Variants in ITPR2 observed in about 807,000 individuals in gnomAD.
ITPR2 encodes the protein inositol 1,4,5-trisphosphate receptor type 2, also known as inositol 1,4,5-trisphosphate-gated calcium channel ITPR2.
A neutral mutation model predicts 317.1 loss-of-function variants in ITPR2; 207 were observed. That is an observed-to-expected ratio of 0.65 (90% CI 0.58 to 0.73). The LOEUF is 0.73. Ranked by LOEUF, ITPR2 falls within the 30% of genes least tolerant of loss-of-function variation. The pLI is 0.00. For synonymous variants in ITPR2, 1,156 were observed against 1,149.1 expected (o/e 1.01, Z -0.12); for missense variants, 2,613 against 3,284.0 (o/e 0.80, Z 4.99).
chr12:26,553,784 CA>C (rs1053616467), intron 36 of ITPR2, among the ~76,000 whole-genome samples: 1 of 141,864 alleles, frequency 7.0e-6, no homozygotes, highest in South Asian at 2.3e-4. Flanking sequence ...GACTCCGTCT[CA>C]AAAAAAAAGA....
intron 55 of ITPR2, among the ~76,000 whole-genome samples, chr12:26,361,501 C>G (rs1591962869): frequency 6.6e-6 from 1 of 152,162 alleles, no homozygotes; most frequent in East Asian, 1.9e-4. Context: ...TACAATTATA[C>G]AATCCAGCTT....
chr12:26,568,776 A>G (rs761879083), intron 34 of ITPR2, among the ~76,000 whole-genome samples: 2 of 152,208 alleles, frequency 1.3e-5, no homozygotes, highest in African/African-American at 2.4e-5. Flanking sequence ...GTGGAATGGC[A>G]GGGACAGAGA....
chr12:26,732,763 A>C (rs1949047690), intron 2 of ITPR2, among the ~76,000 whole-genome samples: 1 of 152,154 alleles, frequency 6.6e-6, no homozygotes, highest in African/African-American at 2.4e-5. Context: ...TCTCTGTTTA[A>C]ATGCTGTTCG....
intron 34 of ITPR2, among the ~76,000 whole-genome samples, chr12:26,562,806 T>C (rs1444313240): frequency 1.3e-5 from 2 of 151,764 alleles, no homozygotes; most frequent in Non-Finnish European, 2.9e-5. Flanking sequence ...TTAGGAGATA[T>C]ACCTAATGTA....
intron 39 of ITPR2, among the ~76,000 whole-genome samples, chr12:26,493,194 G>A (rs748335253): frequency 2.6e-5 from 4 of 151,988 alleles, no homozygotes; most frequent in Non-Finnish European, 5.9e-5. Flanking sequence ...CGTTGTTTTT[G>A]TCACCATGCC....
chr12:26,760,652 A>G (rs1949615175), intron 2 of ITPR2, among the ~76,000 whole-genome samples: 1 of 152,206 alleles, frequency 6.6e-6, no homozygotes, highest in Non-Finnish European at 1.5e-5. Context: ...ATGGTTATAT[A>G]TCATCCTTTG....
intron 37 of ITPR2, among the ~76,000 whole-genome samples, chr12:26,516,337 G>A (rs1943516484): frequency 6.6e-6 from 1 of 150,636 alleles, no homozygotes; most frequent in Non-Finnish European, 1.5e-5. Context: ...GAAAGGAAAG[G>A]AAAGGAAAGG....
At chr12:26,415,788 A>G (rs1405996404) in intron 50 of ITPR2, among the ~76,000 whole-genome samples, 2 of 152,228 alleles carry the variant, frequency 1.3e-5, no homozygotes, top group Non-Finnish European at 2.9e-5. Context: ...GCTTAGTTTT[A>G]CATTTGAATT....
At chr12:26,421,471 C>T (rs1328662207) in intron 49 of ITPR2, 6 of 151,600 alleles carry the variant, frequency 4.0e-5, no homozygotes, top group African/African-American at 4.9e-5. Context: ...ATAAATGATT[C>T]GGGTGGGAAA....
chr12:26,363,701 T>C (rs569873540), intron 55 of ITPR2, among the ~76,000 whole-genome samples: 19 of 152,140 alleles, frequency 1.2e-4, no homozygotes, highest in African/African-American at 4.6e-4. Context: ...CAAACCACCA[T>C]GGCACACAGG....
intron 23 of ITPR2, 67 bp from the exon 24 acceptor site, chr12:26,624,423 A>G: frequency 9.3e-7 from 1 of 1,069,640 alleles, no homozygotes; most frequent in Non-Finnish European, 1.4e-6. Context: ...TAGTCATATT[A>G]ATATCAATTG....
intron 10 of ITPR2, among the ~76,000 whole-genome samples, chr12:26,691,892 G>A (rs897671772): frequency 6.6e-6 from 1 of 151,984 alleles, no homozygotes; most frequent in African/African-American, 2.4e-5. Flanking sequence ...TCTCACTACT[G>A]ACTTTATGTA....
rs191039993 is a variant in ITPR2, at chr12:26,503,254, T to C, written c.5074-7994A>G. On this transcript the variant is annotated intron_variant, in intron 37 of 56. Coordinates refer to ENST00000381340, the MANE Select transcript of ITPR2 (RefSeq NM_002223.4). ...TGAGAGACAAAGACCTCATTATTTT[T>C]CCCCAAAATACTAGAAATAGATTAT... Among the ~76,000 whole-genome samples, 254 of 145,980 alleles carry C rather than the reference T, an allele frequency of 1.7e-3. 2 individuals carry two copies. In the East Asian group the frequency reaches 0.039, roughly 23 times the overall value.
intron 26 of ITPR2, among the ~76,000 whole-genome samples, chr12:26,616,263 G>A (rs912451826): frequency 1.3e-5 from 2 of 151,654 alleles, no homozygotes; most frequent in Non-Finnish European, 2.9e-5. Flanking sequence ...TCAGCCTCCC[G>A]AGTAGCTGGG....
At chr12:26,572,538 C>T (rs1487300035) in intron 34 of ITPR2, among the ~76,000 whole-genome samples, 1 of 152,150 alleles carries the variant, frequency 6.6e-6, no homozygotes, top group Non-Finnish European at 1.5e-5. Flanking sequence ...AGAATGGAAT[C>T]GTTAAGTAGA....
intron 55 of ITPR2, 146 bp downstream of exon 55, chr12:26,387,288 T>C (rs533960988): frequency 1.2e-5 from 9 of 757,812 alleles, no homozygotes; most frequent in South Asian, 9.3e-5. Context: ...TCAGTGTAGA[T>C]GTTCTTCAGT....
At chr12:26,665,813 C>A (rs1947613071) in intron 14 of ITPR2, 97 bp downstream of exon 14, 5 of 1,074,772 alleles carry the variant, frequency 4.7e-6, no homozygotes, top group Non-Finnish European at 6.8e-6. Context: ...GTTTTGGGAT[C>A]ATTTGCTTCA....
intron 10 of ITPR2, among the ~76,000 whole-genome samples, chr12:26,690,347 A>G (rs1044250271): frequency 1.0e-5 from 1 of 98,900 alleles, no homozygotes; most frequent in African/African-American, 4.1e-5. Flanking sequence ...CTAGTGTAGA[A>G]GCAATAAATG....
intron 21 of ITPR2, among the ~76,000 whole-genome samples, chr12:26,644,816 C>T (rs1252815027): frequency 6.6e-6 from 1 of 152,130 alleles, no homozygotes; most frequent in Non-Finnish European, 1.5e-5. Flanking sequence ...TCTTGGACCT[C>T]CTAGCCTCCT....
Sources: gnomAD v4.1 joint callset for allele counts (sites outside exome capture counted in the v4.1 genomes callset) on GRCh38, gnomAD v4.1.1 for gene constraint, MANE v1.5 for transcripts, NCBI Gene and HGNC (gene_info 2026-07-23, HGNC 2026-07-21) for gene names.